The following SRGAP3 variants were observed in gnomAD, a reference collection of about 807,000 sequenced individuals.
SRGAP3 encodes SLIT-ROBO Rho GTPase activating protein 3, also known as SLIT-ROBO Rho GTPase-activating protein 3.
Under a neutral mutation model 121.1 loss-of-function variants are expected in SRGAP3, and 39 were observed. The ratio of observed to expected loss-of-function variants is 0.32; its 90% CI spans 0.25 to 0.42. The LOEUF (loss-of-function observed/expected upper bound fraction) is 0.42, where lower values mean the gene tolerates loss of function less well. Among genes scored for constraint, SRGAP3 ranks in the 10% least tolerant of loss-of-function variants. The pLI is 1.00. For synonymous variants in SRGAP3, 601 were observed against 570.0 expected (o/e 1.05, Z -0.77); for missense variants, 1,213 against 1,470.6 (o/e 0.82, Z 2.86).
chr3:9,290,443 C>A (rs1954852395), intron 3 of SRGAP3, among the ~76,000 whole-genome samples: 1 of 152,128 alleles, frequency 6.6e-6, no homozygotes, highest in African/African-American at 2.4e-5. Flanking sequence ...GGAGATGCAC[C>A]TGAAAAGCTC....
At chr3:9,202,140 G>A (rs919575731) in intron 1 of SRGAP3, among the ~76,000 whole-genome samples, 1 of 152,192 alleles carries the variant, frequency 6.6e-6, no homozygotes, top group African/African-American at 2.4e-5. Context: ...CATGGATGGG[G>A]TTTGCTGCCT....
At chr3:9,335,618 A>G (rs1167827133) in intron 1 of SRGAP3, among the ~76,000 whole-genome samples, 3 of 152,194 alleles carry the variant, frequency 2.0e-5, no homozygotes, top group Non-Finnish European at 4.4e-5. Flanking sequence ...CACCAGTAGC[A>G]TCAGCATCAC....
At chr3:9,220,803 G>C (rs1952788942) in intron 1 of SRGAP3, among the ~76,000 whole-genome samples, 1 of 152,182 alleles carries the variant, frequency 6.6e-6, no homozygotes, top group Non-Finnish European at 1.5e-5. Context: ...CTCATCATTG[G>C]CCTTGAGGTC....
chr3:9,010,265 G>A (rs1559902855), intron 18 of SRGAP3, 43 bp downstream of exon 18: 2 of 1,608,888 alleles, frequency 1.2e-6, no homozygotes, highest in East Asian at 2.2e-5. Flanking sequence ...AGTGTGAGAG[G>A]CCCCAGGAAG....
chr3:9,343,744 C>T (rs1955832737), intron 1 of SRGAP3, among the ~76,000 whole-genome samples: 1 of 152,180 alleles, frequency 6.6e-6, no homozygotes. Flanking sequence ...AATAATGGCT[C>T]ACTGCAGCCT....
intron 1 of SRGAP3, among the ~76,000 whole-genome samples, chr3:9,342,469 C>A (rs1438187062): frequency 6.6e-6 from 1 of 152,198 alleles, no homozygotes; most frequent in Non-Finnish European, 1.5e-5. Flanking sequence ...ATAGCCTGCA[C>A]CTTGCCAAGT....
At chr3:9,244,736 A>G (rs1374230159) in intron 1 of SRGAP3, among the ~76,000 whole-genome samples, 1 of 152,140 alleles carries the variant, frequency 6.6e-6, no homozygotes, top group East Asian at 1.9e-4. Context: ...AGATAATATG[A>G]TATCACTCCC....
chr3:9,294,666 T>A (rs1954922053), intron 3 of SRGAP3, among the ~76,000 whole-genome samples: 1 of 150,754 alleles, frequency 6.6e-6, no homozygotes, highest in South Asian at 2.1e-4. Flanking sequence ...ACTCACTGCA[T>A]GTTGCATTGA....
intron 1 of SRGAP3, among the ~76,000 whole-genome samples, chr3:9,177,713 TC>T (rs1315427419): frequency 6.6e-6 from 1 of 152,210 alleles, no homozygotes; most frequent in Admixed American, 6.5e-5. Flanking sequence ...TTTTCTGGCA[TC>T]AACACTTGAG....
chr3:9,130,104 G>A (rs551395858), intron 1 of SRGAP3, among the ~76,000 whole-genome samples: 1 of 152,050 alleles, frequency 6.6e-6, no homozygotes, highest in Non-Finnish European at 1.5e-5. Context: ...AGTACATTAA[G>A]TGTTGTGATT....
At chr3:9,120,798 A>G (rs562851992) in intron 2 of SRGAP3, among the ~76,000 whole-genome samples, 9 of 152,350 alleles carry the variant, frequency 5.9e-5, no homozygotes, top group Non-Finnish European at 1.3e-4. Flanking sequence ...ATTTTTCTCT[A>G]AATGTTAACC....
intron 21 of SRGAP3, among the ~76,000 whole-genome samples, chr3:8,988,505 A>G (rs1196642861): frequency 6.6e-6 from 1 of 152,178 alleles, no homozygotes; most frequent in Non-Finnish European, 1.5e-5. Flanking sequence ...CTGTCAAACT[A>G]GACAGGGTGC....
chr3:9,244,569 C>T (rs1953758291), intron 1 of SRGAP3, among the ~76,000 whole-genome samples: 1 of 152,090 alleles, frequency 6.6e-6, no homozygotes, highest in Non-Finnish European at 1.5e-5. Context: ...AATTAGAGCC[C>T]CAGGATACTG....
chr3:9,346,028 T>C (rs2125292271), intron 1 of SRGAP3, among the ~76,000 whole-genome samples: 1 of 152,264 alleles, frequency 6.6e-6, no homozygotes, highest in Admixed American at 6.5e-5. Context: ...ATAGCTTCCT[T>C]TGTTCATTAT....
rs1259375311 is a variant in SRGAP3 at position 9,260,563 on chromosome 3, C to T, written n.442+65447G>A. ...TCAAACGATGCGGAACCCACTGCGG[C>T]GTGGCATCGCCACTGTAGCCAGACT... On this transcript the variant is annotated intron_variant and non_coding_transcript_variant, in intron 3 of 3. Transcript: ENST00000490889. 3.9e-5 allele frequency among the ~76,000 whole-genome samples: 6 copies of T among 152,322 alleles called. No homozygotes were observed. In the East Asian group the frequency reaches 7.7e-4, roughly 20 times the overall value.
rs758835364 is a variant in SRGAP3, at chr3:9,025,287, T to C, written c.1652A>G (p.Asn551Ser). The C allele has an allele frequency of 6.2e-6, 10 of 1,614,100 alleles. No individual in the cohort carries two copies. Among genetic ancestry groups the C allele is most frequent in the East Asian group, 2.2e-5 (1 of 44,896 alleles). Residue 551 changes from asparagine to serine, a missense_variant, in exon 14 of 22, where the codon AAT (asparagine) becomes AGT (serine). This residue lies in a region of SRGAP3 where 793 missense variants were observed against 1,032.9 expected (regional missense o/e 0.77). Transcript: ENST00000383836. ...FRVPGSQVEVNDIKNSFERGE... is the reference protein window; with the variant it reads ...FRVPGSQVEVSDIKNSFERGE... ...TCTCTCAAAGGAATTTTTGATGTCA[T>C]TGACTTCCACCTGAGATCCTGGCAC...
intron 1 of SRGAP3, among the ~76,000 whole-genome samples, chr3:9,161,721 C>T (rs1336769503): frequency 6.6e-6 from 1 of 152,150 alleles, no homozygotes; most frequent in Non-Finnish European, 1.5e-5. Flanking sequence ...ATGTCGAATC[C>T]AAAGGTTGCA....
At chr3:9,026,538 T>G (rs532346964) in intron 13 of SRGAP3, among the ~76,000 whole-genome samples, 83 of 152,312 alleles carry the variant, frequency 5.4e-4, no homozygotes, top group African/African-American at 1.9e-3. Flanking sequence ...GTAATTGCGG[T>G]TTTTGCCATT....
intron 7 of SRGAP3, among the ~76,000 whole-genome samples, chr3:9,057,208 G>T (rs1261326031): frequency 6.6e-6 from 1 of 152,070 alleles, no homozygotes. Context: ...GATTACAGAC[G>T]TGAGCCACCG....
Sources: allele counts gnomAD v4.1 joint callset (sites outside exome capture counted in the v4.1 genomes callset), GRCh38; gene constraint gnomAD v4.1.1; regional missense constraint gnomAD v4.1.1; transcripts MANE v1.5; gene names NCBI Gene and HGNC (gene_info 2026-07-23, HGNC 2026-07-21).